Variants in SYNE1 observed in about 807,000 individuals in gnomAD.
SYNE1 encodes the protein nesprin-1.
In SYNE1, 616 loss-of-function variants were observed where a neutral mutation model predicts 1,111.0. That is an observed-to-expected ratio of 0.55 (90% confidence interval 0.52 to 0.59). The LOEUF (loss-of-function observed/expected upper bound fraction) is 0.59, where lower values mean the gene tolerates loss of function less well. SYNE1 is among the 20% of genes least tolerant of loss of function. SYNE1 has a pLI of 0.00. For synonymous variants in SYNE1, 3,855 were observed against 3,825.8 expected, an observed-to-expected ratio of 1.01 and a Z score of -0.28; for missense variants, 10,006 against 10,417.0, an observed-to-expected ratio of 0.96 and a Z score of 1.72.
intron 95 of SYNE1, among the ~76,000 whole-genome samples, chr6:152,289,158 CTGAGTA>C (rs1425989989): frequency 2.6e-5 from 4 of 152,072 alleles, no homozygotes; most frequent in Non-Finnish European, 5.9e-5. Context: ...TCCCATAACT[CTGAGTA>C]TAAGAGCTGG....
chr6:152,218,953 A>C, intron 120 of SYNE1, 50 bp downstream of exon 120: 1 of 1,569,250 alleles, frequency 6.4e-7, no homozygotes, highest in East Asian at 2.2e-5. Context: ...TTGTGCCCAG[A>C]TATTAGAGAA....
At chr6:152,152,272 A>G in intron 133 of SYNE1, 131 bp from the exon 134 acceptor site, 1 of 826,614 alleles carries the variant, frequency 1.2e-6, no homozygotes, top group Non-Finnish European at 2.0e-6. Flanking sequence ...AATGATGTCT[A>G]ATAACGGTAC....
At chr6:152,204,616 G>A (rs1375872934) in intron 126 of SYNE1, among the ~76,000 whole-genome samples, 1 of 152,110 alleles carries the variant, frequency 6.6e-6, no homozygotes, top group African/African-American at 2.4e-5. Flanking sequence ...TTCCTTCTTA[G>A]GCAAACGGAT....
chr6:152,278,313 C>T (rs1041215775), intron 97 of SYNE1, 33 bp from the exon 98 acceptor site: 1 of 1,610,750 alleles, frequency 6.2e-7, no homozygotes, highest in Non-Finnish European at 8.5e-7. Flanking sequence ...GAAACTCACA[C>T]ATCTCCCCAG....
At position 152,164,166 on chromosome 6, in the gene SYNE1, C is replaced by A; in HGVS notation, c.23787G>T (p.Gln7929His). ...SEEIQRKLNE[Q>H]QELQRDIEKH... The stretch of plus-strand genomic sequence containing the variant: ...CCATTTCCATTTTAAGTCTTACCTG[C>A]TGCTCATTAAGCTTTCTCTGTATTT... Residue 7929 changes from glutamine (Q) to histidine (H), a missense_variant, in exon 131 of 146, where the codon CAG becomes CAT. This residue lies in a region of SYNE1 where 2,182 missense variants were observed against 2,287.8 expected (regional missense o/e 0.95). Coordinates refer to ENST00000367255, the MANE Select transcript of SYNE1 (RefSeq NM_182961.4). 1 of 1,614,148 alleles carries A rather than the reference C, an allele frequency of 6.2e-7. No homozygotes were observed. The highest frequency in any genetic ancestry group is 8.5e-7 in the Non-Finnish European group (1 of 1,180,002).
intron 3 of SYNE1, among the ~76,000 whole-genome samples, chr6:152,589,886 T>C (rs2099553335): frequency 6.6e-6 from 1 of 151,872 alleles, no homozygotes; most frequent in Non-Finnish European, 1.5e-5. Context: ...AAAAGCATAC[T>C]TCACTCAGCA....
At chr6:152,578,157 T>TC (rs1028549021) in intron 3 of SYNE1, among the ~76,000 whole-genome samples, 3 of 152,228 alleles carry the variant, frequency 2.0e-5, no homozygotes, top group African/African-American at 2.4e-5. Context: ...TATATTTTTT[T>TC]CACTTTTCAA....
At chr6:152,307,449 C>A (rs542638433) in intron 91 of SYNE1, among the ~76,000 whole-genome samples, 1 of 152,118 alleles carries the variant, frequency 6.6e-6, no homozygotes, top group Non-Finnish European at 1.5e-5. Flanking sequence ...AGGATATATT[C>A]CATATACTCT....
chr6:152,616,358 A>C (rs2099648308), intron 3 of SYNE1, among the ~76,000 whole-genome samples: 1 of 152,034 alleles, frequency 6.6e-6, no homozygotes, highest in African/African-American at 2.4e-5. Context: ...GCATCGCTTG[A>C]TTCCAGGAGT....
intron 133 of SYNE1, among the ~76,000 whole-genome samples, chr6:152,152,510 C>G (rs2060614310): frequency 6.6e-6 from 1 of 152,104 alleles, no homozygotes; most frequent in Non-Finnish European, 1.5e-5. Flanking sequence ...AAAAAATATA[C>G]ACGTGTGTGT....
At chr6:152,580,137 T>C (rs995536246) in intron 3 of SYNE1, among the ~76,000 whole-genome samples, 6 of 152,220 alleles carry the variant, frequency 3.9e-5, no homozygotes, top group Non-Finnish European at 7.3e-5. Context: ...ACCAGCAATG[T>C]ATAGGTGTTC....
Position 152,326,397 on chromosome 6 carries a change from C to T in SYNE1, c.15192G>A (p.Lys5064=), listed in dbSNP as rs1418471571. The change falls in exon 79 of 146, where the codon AAG becomes AAA. Residue 5064 remains lysine, a synonymous_variant. Transcript: ENST00000367255. ...GTTCTAGGTCTTCTTTGCCGGTTGG[C>T]TTGATGAGTGGGTCCAGGGTGGCTA... ...SLVATLDPLI[K]PTGKEDLEQK... is the part of the protein sequence containing the mutation. The T allele has an allele frequency of 6.2e-7, 1 of 1,614,184 alleles. No homozygotes were observed. Among genetic ancestry groups the T allele is most frequent in the Non-Finnish European group, 8.5e-7 (1 of 1,180,034 alleles).
intron 130 of SYNE1, among the ~76,000 whole-genome samples, chr6:152,166,450 G>C (rs2673783): frequency 0.23 from 35,565 of 152,134 alleles, 4,338 homozygotes; most frequent in African/African-American, 0.29. Flanking sequence ...TATTTGTCAA[G>C]TACTAAAATT....
At chr6:152,479,352 T>C (rs1393920169) in intron 14 of SYNE1, among the ~76,000 whole-genome samples, 2 of 152,222 alleles carry the variant, frequency 1.3e-5, no homozygotes, top group Non-Finnish European at 2.9e-5. Context: ...AATAAGGATG[T>C]GTAGCAGGTG....
In SYNE1 at chr6:152,389,901, A is replaced by G. The variant is rs116898135; in HGVS notation, c.8177+379T>C. 3.7e-4 allele frequency among the ~76,000 whole-genome samples: 56 copies of G among 152,328 alleles called. No homozygotes were observed. In the East Asian group the frequency reaches 9.1e-3, roughly 25 times the overall value. On this transcript the variant is annotated intron_variant, in intron 53 of 145. Transcript: ENST00000367255. Reference sequence around the variant, plus strand: ...TAGTTGAGGAATAGATTTACGACTAAGCTCAACAGCTGCCAATAGCTTAAT... The same window carrying G: ...TAGTTGAGGAATAGATTTACGACTAGGCTCAACAGCTGCCAATAGCTTAAT...
At chr6:152,491,338 G>A (rs1308341172) in intron 11 of SYNE1, among the ~76,000 whole-genome samples, 1 of 152,054 alleles carries the variant, frequency 6.6e-6, no homozygotes, top group Non-Finnish European at 1.5e-5. Context: ...TTGTGGAGAC[G>A]CCTGCTTTGG....
In SYNE1 at chr6:152,399,823, C is replaced by T; in HGVS notation, c.7030G>A (p.Asp2344Asn). The T allele has an allele frequency of 6.2e-7, 1 of 1,613,570 alleles. No individual in the cohort carries two copies. The highest frequency in any genetic ancestry group is 2.2e-5 in the East Asian group (1 of 44,860). Residue 2344 changes from aspartate (D) to asparagine (N), a missense_variant and splice_region_variant, in exon 48 of 146, where the codon GAT becomes AAT. Physicochemically the swap from Asp to Asn is conservative, Grantham distance 23. Transcript: ENST00000367255. ...TGACTTTGAAGTTCTTTTTGTATAT[C>T]CTACAGAATAAAAGTATATTATGAA... ...ETCEALKKVK[D>N]IQKELQSQQS...
chr6:152,242,351 G>A lies in SYNE1; in HGVS notation c.19782C>T (p.Ala6594=), dbSNP rs1588558218. The change falls in exon 107 of 146, where the codon GCC becomes GCT. Residue 6594 remains alanine, a synonymous_variant. Transcript: ENST00000367255. ...NLTLKSQYER[A]LQDLADLLET... The stretch of plus-strand genomic sequence containing the variant: ...CTAGCAGGTCAGCCAGATCTTGTAG[G>A]GCCCTCTCATACTGACTCTTGAGTG... The A allele has an allele frequency of 1.2e-6, 2 of 1,613,858 alleles. No individual in the cohort carries two copies. Among genetic ancestry groups the A allele is most frequent in the East Asian group, 4.5e-5 (2 of 44,840 alleles).
intron 144 of SYNE1, 38 bp from the exon 145 acceptor site, chr6:152,130,816 T>C: frequency 6.2e-7 from 1 of 1,608,804 alleles, no homozygotes; most frequent in Admixed American, 1.7e-5. Context: ...AAGAAGAATG[T>C]TCAGTCCAGG....
Sources: gnomAD v4.1 joint callset for allele counts (sites outside exome capture counted in the v4.1 genomes callset) on GRCh38, gnomAD v4.1.1 for gene constraint, gnomAD v4.1.1 regional missense constraint, MANE v1.5 for transcripts, NCBI Gene and HGNC (gene_info 2026-07-23, HGNC 2026-07-21) for gene names.